MEGF11: variants seen among roughly 807,000 people sequenced by gnomAD.
The protein encoded by MEGF11 is multiple EGF like domains 11.
In MEGF11, 126 loss-of-function variants were observed where a neutral mutation model predicts 146.6. The observed-to-expected ratio is 0.86, with a 90% CI of 0.74 to 1.00. MEGF11 has a LOEUF of 1.00. Among genes scored for constraint, MEGF11 ranks in the 50% least tolerant of loss-of-function variants. The probability of loss-of-function intolerance (pLI) is 0.00; values close to 1 mark genes in which losing one functional copy is unlikely to be tolerated. For synonymous variants in MEGF11, 532 were observed against 583.4 expected, an observed-to-expected ratio of 0.91 and a Z score of 1.27; for missense variants, 1,509 against 1,521.2, an observed-to-expected ratio of 0.99 and a Z score of 0.13.
chr15:66,249,255 A>G (rs978766519), intron 1 of MEGF11, among the ~76,000 whole-genome samples: 7 of 152,196 alleles, frequency 4.6e-5, no homozygotes, highest in African/African-American at 1.7e-4. Context: ...TTCCTTAAGA[A>G]CACACTGCAT....
At position 66,017,386 on chromosome 15, in the gene MEGF11, C is replaced by T. The variant is rs143970264; in HGVS notation, c.395-34898G>A. Among the ~76,000 whole-genome samples the T allele has an allele frequency of 7.0e-3, 1,064 of 152,312 alleles. 3 individuals carry two copies. Among genetic ancestry groups the T allele is most frequent in the Non-Finnish European group, 8.9e-3 (605 of 68,032 alleles). ...TCATCCTTTAGCATCTAAACAGATA[C>T]GACGGTGCCCACTTTTCAGAAGGAA... On this transcript the variant is annotated intron_variant, in intron 5 of 25. Transcript: ENST00000395614.
chr15:66,099,374 G>A (rs570504830), intron 4 of MEGF11, among the ~76,000 whole-genome samples: 2 of 151,828 alleles, frequency 1.3e-5, no homozygotes, highest in Non-Finnish European at 2.9e-5. Flanking sequence ...TAGTAGAGAC[G>A]GGGTTTCACC....
At chr15:66,172,657 C>T (rs898865219) in intron 1 of MEGF11, among the ~76,000 whole-genome samples, 2 of 152,198 alleles carry the variant, frequency 1.3e-5, no homozygotes, top group South Asian at 4.1e-4. Context: ...CCAGGGGCTG[C>T]ACCACCCTGT....
Position 66,141,271 on chromosome 15 carries a change from TGTGTGTGTGTGTGTGTGTGAGA to T in MEGF11, c.-8-12882_-8-12861del, listed in dbSNP as rs1199112052. On this transcript the variant is annotated intron_variant, in intron 1 of 25. Coordinates refer to ENST00000395614, the MANE Select transcript of MEGF11 (RefSeq NM_001385028.1). ...GTGTGTGTGTGTGTGTGTGTGTGTGTGTGTGTGTGTGTGTGTGTGAGAGAGAGAGAGAGAGAGACAGGGATAG... is the reference window on the plus strand; with the variant it reads ...GTGTGTGTGTGTGTGTGTGTGTGTGTGAGAGAGAGAGAGAGACAGGGATAG... Among the ~76,000 whole-genome samples the T allele has an allele frequency of 1.2e-3, 170 of 141,754 alleles. 2 individuals carry two copies. The East Asian group carries it at 0.016, about 14-fold the overall frequency. 93.0% of individuals were successfully genotyped at this position (141,754 alleles called of 152,430 possible).
At chr15:66,130,334 C>T (rs1183903371) in intron 1 of MEGF11, among the ~76,000 whole-genome samples, 3 of 152,106 alleles carry the variant, frequency 2.0e-5, no homozygotes, top group Non-Finnish European at 2.9e-5. Flanking sequence ...GTCTGAATGC[C>T]AGCTGTAGGG....
Position 65,909,009 on chromosome 15 carries a change from G to T in MEGF11, c.2998+25C>A, listed in dbSNP as rs960468155. ...GCTGGGTCTGGTCTGGCATGAGGGG[G>T]TGGAGGGTAGGGCTGGGGTCTGACC... On this transcript the variant is annotated intron_variant, in intron 23 of 25. Coordinates refer to ENST00000395614, the MANE Select transcript of MEGF11 (RefSeq NM_001385028.1). 34 of 1,463,522 alleles carry T rather than the reference G, an allele frequency of 2.3e-5. No homozygotes were observed. The South Asian group carries it at 3.8e-4, about 16-fold the overall frequency. The allele number at this position is 1,463,522 out of a possible 1,614,324, so 90.7% of individuals were successfully genotyped here.
In MEGF11 at chr15:65,987,014, C is replaced by T. The variant is rs74394106; in HGVS notation, c.395-4526G>A. ...GAAGGGCACCTGGAAGTGTGTGGCC[C>T]GGCTTGTTCTGTTCCTCGAGGCTGG... On this transcript the variant is annotated intron_variant, in intron 5 of 25. Coordinates refer to ENST00000395614, the MANE Select transcript of MEGF11 (RefSeq NM_001385028.1). Among the ~76,000 whole-genome samples, 640 of 152,108 alleles carry T rather than the reference C, an allele frequency of 4.2e-3. 11 individuals are homozygous for T. The highest frequency in any genetic ancestry group is 0.015 in the African/African-American group (615 of 41,480).
chr15:65,971,849 C>T (rs2081307854), intron 7 of MEGF11, among the ~76,000 whole-genome samples: 1 of 151,946 alleles, frequency 6.6e-6, no homozygotes, highest in African/African-American at 2.4e-5. Flanking sequence ...GCAACAGGAA[C>T]ACAGAGGAAA....
chr15:66,046,072 C>T (rs2084193256), intron 5 of MEGF11, among the ~76,000 whole-genome samples: 1 of 152,186 alleles, frequency 6.6e-6, no homozygotes, highest in South Asian at 2.1e-4. Context: ...CACTGCATTC[C>T]AGCCTGGGCA....
At chr15:66,198,348 A>G (rs796759178) in intron 1 of MEGF11, among the ~76,000 whole-genome samples, 69 of 152,168 alleles carry the variant, frequency 4.5e-4, no homozygotes, top group African/African-American at 1.6e-3. Flanking sequence ...CTCATCTACC[A>G]TTTCTCTGAT....
chr15:66,094,316 C>T lies in MEGF11; in HGVS notation c.394+86G>A, dbSNP rs1701165741. On this transcript the variant is annotated intron_variant, in intron 5 of 25. Transcript: ENST00000395614. ...CACCCCAAGTCGCCCCAGCACAACA[C>T]AAAAATGTAGCATGCACACACCACA... The T allele has an allele frequency of 2.5e-6, 3 of 1,199,096 alleles. No homozygotes were observed. The Admixed American group carries it at 6.7e-5, about 27-fold the overall frequency. 74.3% of individuals were successfully genotyped at this position (1,199,096 alleles called of 1,614,324 possible). A position where few individuals can be genotyped will look rare whatever the true frequency, so the allele number is the denominator to read the frequency against.
At chr15:66,102,876 C>T (rs759511727) in intron 4 of MEGF11, among the ~76,000 whole-genome samples, 2 of 152,210 alleles carry the variant, frequency 1.3e-5, no homozygotes, top group East Asian at 1.9e-4. Context: ...GCTTTCTCTG[C>T]GTTATCATGC....
At chr15:65,991,962 G>A (rs1412167217) in intron 5 of MEGF11, among the ~76,000 whole-genome samples, 1 of 152,234 alleles carries the variant, frequency 6.6e-6, no homozygotes, top group African/African-American at 2.4e-5. Flanking sequence ...ACAAGCAAAT[G>A]GGAAACTGTC....
chr15:66,201,006 T>C (rs1183260307), intron 1 of MEGF11, among the ~76,000 whole-genome samples: 12 of 152,052 alleles, frequency 7.9e-5, no homozygotes. Context: ...TGCCCCTGCA[T>C]GTACACCCCA....
intron 5 of MEGF11, among the ~76,000 whole-genome samples, chr15:66,040,662 G>A (rs1286710158): frequency 1.3e-5 from 2 of 152,164 alleles, no homozygotes; most frequent in African/African-American, 4.8e-5. Flanking sequence ...TGAAGCCAGT[G>A]GATGAGGAGA....
In MEGF11 at chr15:65,898,721, C is replaced by T. The variant is rs371003136; in HGVS notation, c.3262+7G>A. ...ATTTCACTAAGTTACTTATTTGAGA[C>T]ACCTACCAACTTCATATATATTTTT... is the stretch of plus-strand genomic sequence containing the variant. On this transcript the variant is annotated splice_region_variant and intron_variant, in intron 25 of 25. Coordinates refer to ENST00000395614, the MANE Select transcript of MEGF11 (RefSeq NM_001385028.1). 1 of 1,613,158 alleles carries T rather than the reference C, an allele frequency of 6.2e-7. No homozygotes were observed. The highest frequency in any genetic ancestry group is 8.5e-7 in the Non-Finnish European group (1 of 1,179,582).
chr15:66,115,566 C>T (rs1308082679), intron 4 of MEGF11, among the ~76,000 whole-genome samples: 1 of 152,204 alleles, frequency 6.6e-6, no homozygotes, highest in Non-Finnish European at 1.5e-5. Flanking sequence ...GCACCTGAGA[C>T]ACGCCCTTAT....
At chr15:65,994,159 T>C (rs1020658854) in intron 5 of MEGF11, among the ~76,000 whole-genome samples, 1 of 152,224 alleles carries the variant, frequency 6.6e-6, no homozygotes, top group Non-Finnish European at 1.5e-5. Context: ...TTTAAACGTC[T>C]GTGTTTAATT....
intron 5 of MEGF11, among the ~76,000 whole-genome samples, chr15:66,079,858 G>GC (rs2085771324): frequency 6.6e-6 from 1 of 152,160 alleles, no homozygotes; most frequent in Admixed American, 6.5e-5. Context: ...TCCATGGGCT[G>GC]CCCCTTCCCA....
Sources: gnomAD v4.1 joint callset for allele counts (sites outside exome capture counted in the v4.1 genomes callset) on GRCh38, gnomAD v4.1.1 for gene constraint, MANE v1.5 for transcripts, NCBI Gene and HGNC (gene_info 2026-07-23, HGNC 2026-07-21) for gene names.